The following STAG1 variants were observed in gnomAD, a reference collection of about 807,000 sequenced individuals.
STAG1 encodes STAG1 cohesin complex component.
STAG1 carries 26 observed loss-of-function variants against 170.9 expected under a neutral mutation model. The observed-to-expected ratio is 0.15, with a 90% CI of 0.11 to 0.21. The LOEUF (loss-of-function observed/expected upper bound fraction) is 0.21, where lower values mean the gene tolerates loss of function less well. STAG1 is among the 10% of genes least tolerant of loss of function. The pLI, the probability that STAG1 is intolerant of heterozygous loss-of-function variation, is 1.00. For missense variants in STAG1, 964 were observed against 1,509.5 expected (o/e 0.64, Z 5.99); for synonymous variants, 514 against 497.7 (o/e 1.03, Z -0.44).
chr3:136,428,600 C>T (rs571683740), intron 16 of STAG1, among the ~76,000 whole-genome samples: 6 of 152,152 alleles, frequency 3.9e-5, no homozygotes, highest in Admixed American at 6.6e-5. Context: ...TGAAGAGAAC[C>T]CTGATAGAAT....
chr3:136,646,882 A>G (rs1038698870), intron 1 of STAG1, among the ~76,000 whole-genome samples: 2 of 152,160 alleles, frequency 1.3e-5, no homozygotes, highest in Non-Finnish European at 2.9e-5. Flanking sequence ...ACTGCACTCC[A>G]GCCTGGGCAA....
intron 1 of STAG1, among the ~76,000 whole-genome samples, chr3:136,699,805 G>A (rs1335379885): frequency 6.6e-6 from 1 of 152,018 alleles, no homozygotes; most frequent in African/African-American, 2.4e-5. Context: ...AAATCACTAG[G>A]TTGATGACAA....
intron 1 of STAG1, among the ~76,000 whole-genome samples, chr3:136,742,476 G>A (rs1934718317): frequency 6.6e-6 from 1 of 152,124 alleles, no homozygotes; most frequent in African/African-American, 2.4e-5. Flanking sequence ...CACTTTGGGA[G>A]GCTGAGGCAG....
At chr3:136,715,162 GTTTTTTAACTTTTTTTTT>G (rs1943504797) in intron 1 of STAG1, among the ~76,000 whole-genome samples, 1 of 113,664 alleles carries the variant, frequency 8.8e-6, no homozygotes, top group African/African-American at 4.3e-5. Flanking sequence ...TGTATGTGGG[GTTTTTTAACTTTTTTTTT>G]TTTTTTAATT....
intron 4 of STAG1, among the ~76,000 whole-genome samples, chr3:136,591,036 T>C (rs1938139375): frequency 6.6e-6 from 1 of 151,478 alleles, no homozygotes. Flanking sequence ...ACTCCATCTT[T>C]CACTTTATGC....
chr3:136,402,803 G>A (rs1221166181), intron 21 of STAG1, among the ~76,000 whole-genome samples: 1 of 151,796 alleles, frequency 6.6e-6, no homozygotes, highest in Non-Finnish European at 1.5e-5. Context: ...CCCCAGCGTG[G>A]GTGACAGTGA....
intron 14 of STAG1, among the ~76,000 whole-genome samples, chr3:136,445,902 T>C (rs1415505100): frequency 1.3e-5 from 2 of 152,224 alleles, no homozygotes; most frequent in Non-Finnish European, 2.9e-5. Flanking sequence ...GATGTGTTTG[T>C]AAATAGCATA....
At chr3:136,374,087 A>G (rs1290445077) in intron 23 of STAG1, among the ~76,000 whole-genome samples, 1 of 151,944 alleles carries the variant, frequency 6.6e-6, no homozygotes, top group African/African-American at 2.4e-5. Flanking sequence ...TCCCTTTACC[A>G]TTATGTAATG....
At position 136,340,154 on chromosome 3, in the gene STAG1, A is replaced by AT. The variant is rs988393101; in HGVS notation, c.3672+336dup. On this transcript the variant is annotated intron_variant, in intron 32 of 33. Coordinates refer to ENST00000383202, the MANE Select transcript of STAG1 (RefSeq NM_005862.3). ...CCAGAATTCTGAGAATAAGAGGATA[A>AT]TTTTTTTTTGTTTTTCTGAGATGGA... is the stretch of plus-strand genomic sequence containing the variant. 4.4e-4 allele frequency among the ~76,000 whole-genome samples: 66 copies of AT among 151,616 alleles called. No homozygotes were observed. The East Asian group carries it at 8.3e-3, about 19-fold the overall frequency.
At chr3:136,430,176 GTGAGCACACA>G (rs988950367) in intron 16 of STAG1, 2 of 152,198 alleles carry the variant, frequency 1.3e-5, no homozygotes, top group Admixed American at 6.5e-5. Flanking sequence ...TGCTGCCGAA[GTGAGCACACA>G]TGGATTTTTG....
At chr3:136,364,130 T>C (rs1936983735) in intron 25 of STAG1, among the ~76,000 whole-genome samples, 1 of 151,852 alleles carries the variant, frequency 6.6e-6, no homozygotes, top group Non-Finnish European at 1.5e-5. Flanking sequence ...TTGCCCAGGC[T>C]GGAGTGCAAT....
rs139238634 is a variant in STAG1, at chr3:136,701,084, G to A, written c.-84+51111C>T. Among the ~76,000 whole-genome samples, 1,148 of 151,468 alleles carry A rather than the reference G, an allele frequency of 7.6e-3. 18 individuals carry two copies. The highest frequency in any genetic ancestry group is 0.027 in the African/African-American group (1,095 of 41,296). ...TTTAGTAGAGACAGGATTTCACCAC[G>A]TTGGCCAGGCTGGTCTCAAACTCTT... On this transcript the variant is annotated intron_variant, in intron 1 of 33. Coordinates refer to ENST00000383202, the MANE Select transcript of STAG1 (RefSeq NM_005862.3).
Position 136,343,812 on chromosome 3 carries a change from GAC to G in STAG1, c.3446+18_3446+19del, listed in dbSNP as rs1936101699. 1 of 1,502,774 alleles carries G rather than the reference GAC, an allele frequency of 6.7e-7. No individual in the cohort carries two copies. The highest frequency in any genetic ancestry group is 8.9e-7 in the Non-Finnish European group (1 of 1,124,802). 93.1% of individuals were successfully genotyped at this position (1,502,774 alleles called of 1,614,324 possible). ...TTCTTTAAAGGCTTTTTGTGAAAAA[GAC>G]AAATTTTTGCTACTTACTTGTGTAA... On this transcript the variant is annotated intron_variant, in intron 30 of 33. Coordinates refer to ENST00000383202, the MANE Select transcript of STAG1 (RefSeq NM_005862.3).
At chr3:136,746,758 G>A (rs1046826716) in intron 1 of STAG1, among the ~76,000 whole-genome samples, 9 of 152,064 alleles carry the variant, frequency 5.9e-5, no homozygotes, top group Non-Finnish European at 1.3e-4. Flanking sequence ...AGACCAGCCT[G>A]GCCTTAGGCA....
chr3:136,673,210 G>C (rs963890762), intron 1 of STAG1, among the ~76,000 whole-genome samples: 1 of 152,208 alleles, frequency 6.6e-6, no homozygotes, highest in African/African-American at 2.4e-5. Context: ...ACTTAAATCT[G>C]TAAACTGTGT....
intron 22 of STAG1, among the ~76,000 whole-genome samples, chr3:136,393,527 C>G (rs954930215): frequency 9.2e-5 from 14 of 151,376 alleles, no homozygotes; most frequent in African/African-American, 2.7e-4. Flanking sequence ...AATGAACAAA[C>G]GAGCAAACAA....
chr3:136,367,132 A>G (rs751621636), intron 24 of STAG1, 50 bp from the exon 25 acceptor site: 4 of 1,414,658 alleles, frequency 2.8e-6, no homozygotes, highest in Non-Finnish European at 3.9e-6. Flanking sequence ...TTATCCACGT[A>G]AAACAATGCA....
intron 22 of STAG1, among the ~76,000 whole-genome samples, chr3:136,381,637 G>A (rs1051245168): frequency 6.6e-6 from 1 of 152,000 alleles, no homozygotes; most frequent in Admixed American, 6.6e-5. Context: ...AATAGGATGG[G>A]GCTGATAGAA....
At chr3:136,372,199 G>C (rs978751503) in intron 23 of STAG1, among the ~76,000 whole-genome samples, 1 of 152,184 alleles carries the variant, frequency 6.6e-6, no homozygotes, top group African/African-American at 2.4e-5. Context: ...CATTGATTTT[G>C]TATCCTGAGA....
Sources: allele counts gnomAD v4.1 joint callset (sites outside exome capture counted in the v4.1 genomes callset), GRCh38; gene constraint gnomAD v4.1.1; transcripts MANE v1.5; gene names NCBI Gene and HGNC (gene_info 2026-07-23, HGNC 2026-07-21).